ALDH9A1: variants seen among roughly 807,000 people sequenced by gnomAD.
ALDH9A1 encodes the protein 4-trimethylaminobutyraldehyde dehydrogenase.
In ALDH9A1, 42 loss-of-function variants were observed where a neutral mutation model predicts 56.6. That is an observed-to-expected ratio of 0.74 (90% CI 0.58 to 0.96). The LOEUF is 0.96. Among genes scored for constraint, ALDH9A1 ranks in the 40% least tolerant of loss-of-function variants. The pLI is 0.00. For missense variants in ALDH9A1, 661 were observed against 651.5 expected, an observed-to-expected ratio of 1.01 and a Z score of -0.16; for synonymous variants, 242 against 236.0, an observed-to-expected ratio of 1.03 and a Z score of -0.23.
chr1:165,665,108 C>T lies in ALDH9A1; in HGVS notation c.1372G>A (p.Val458Met), dbSNP rs1308842468. ...FTRDIQRAHR[V>M]VAELQAGTCF... ...GTCCCAGCCTGAAGCTCAGCTACCA[C>T]TCTATGAGCCCGTTGGATGTCCCTA... is the stretch of plus-strand genomic sequence containing the variant. The change falls in exon 10 of 11, where the codon GTG becomes ATG. Residue 458 changes from valine (V) to methionine (M), a missense_variant. Transcript: ENST00000354775. 6.2e-7 allele frequency: 1 copy of T among 1,613,802 alleles called. No individual in the cohort carries two copies. The highest frequency in any genetic ancestry group is 1.7e-5 in the Admixed American group (1 of 59,978).
chr1:165,698,546 C>G lies in ALDH9A1; in HGVS notation c.13G>C (p.Ala5Pro). The G allele has an allele frequency of 6.2e-7, 1 of 1,605,612 alleles. No individual in the cohort carries two copies. Among genetic ancestry groups the G allele is most frequent in the Non-Finnish European group, 8.5e-7 (1 of 1,177,540 alleles). Residue 5 changes from alanine (A) to proline (P), a missense_variant, in exon 1 of 11, where the codon GCA becomes CCA. Physicochemically the swap from Ala to Pro is conservative, Grantham distance 27. Coordinates refer to ENST00000354775, the MANE Select transcript of ALDH9A1 (RefSeq NM_000696.4). MFLR[A>P]GLAALSPLLR... is the part of the protein sequence containing the mutation. ...AGCGGGGAGAGCGCGGCCAGGCCTG[C>G]TCGGAGAAACATGAGTGGCGGACGC... is the stretch of plus-strand genomic sequence containing the variant.
In ALDH9A1 at chr1:165,695,289, C is replaced by A. The variant is rs145012858; in HGVS notation, c.290G>T (p.Arg97Leu). 6.2e-7 allele frequency: 1 copy of A among 1,611,750 alleles called. No homozygotes were observed. Among genetic ancestry groups the A allele is most frequent in the Non-Finnish European group, 8.5e-7 (1 of 1,179,156 alleles). Residue 97 changes from arginine to leucine, a missense_variant, in exon 2 of 11, where the codon CGT becomes CTT. Arg to Leu is a moderately radical substitution (Grantham distance 102, BLOSUM62 -2). Coordinates refer to ENST00000354775, the MANE Select transcript of ALDH9A1 (RefSeq NM_000696.4). ...KIWSQKSGMERCRILLEAARI... is the reference protein window; with the variant it reads ...KIWSQKSGMELCRILLEAARI... ...GGCAGCCTCCAAAAGGATTCGGCAA[C>A]GCTCCATGCCAGATTTTTGACTCCA... is the stretch of plus-strand genomic sequence containing the variant.
In ALDH9A1 at chr1:165,675,230, G is replaced by A. The variant is rs755294157; in HGVS notation, c.930+4212C>T. Among the ~76,000 whole-genome samples the A allele has an allele frequency of 1.0e-4, 15 of 149,146 alleles. No homozygotes were observed. The East Asian group carries it at 1.3e-3, about 13-fold the overall frequency. ...TAATAATAAAATAAATTCACATTAC[G>A]TCACAATTATTTTTAGTGCTCTCTC... On this transcript the variant is annotated intron_variant, in intron 6 of 10. Transcript: ENST00000354775.
At chr1:165,663,919 T>A (rs1295903153) in intron 10 of ALDH9A1, among the ~76,000 whole-genome samples, 1 of 152,220 alleles carries the variant, frequency 6.6e-6, no homozygotes, top group Non-Finnish European at 1.5e-5. Flanking sequence ...GCCATCTTTC[T>A]CGCTCTCTCA....
At chr1:165,672,079 A>C (rs1181982526) in intron 6 of ALDH9A1, among the ~76,000 whole-genome samples, 3 of 152,240 alleles carry the variant, frequency 2.0e-5, no homozygotes, top group Non-Finnish European at 2.9e-5. Flanking sequence ...TTAAACACTG[A>C]ATTATCATAT....
At chr1:165,670,049 C>A (rs1308222832) in intron 6 of ALDH9A1, among the ~76,000 whole-genome samples, 2 of 152,078 alleles carry the variant, frequency 1.3e-5, no homozygotes, top group East Asian at 1.9e-4. Flanking sequence ...GGTGCTAGAA[C>A]AAATCATCAG....
intron 2 of ALDH9A1, among the ~76,000 whole-genome samples, chr1:165,687,334 C>G (rs994451240): frequency 6.7e-6 from 1 of 150,372 alleles, no homozygotes; most frequent in African/African-American, 2.4e-5. Flanking sequence ...AATTTTTTTT[C>G]CAAATGAAAC....
chr1:165,682,064 A>T lies in ALDH9A1; in HGVS notation c.592+43T>A, dbSNP rs753097560. The T allele has an allele frequency of 9.3e-6, 15 of 1,609,166 alleles. No individual in the cohort carries two copies. In the Admixed American group the frequency reaches 1.2e-4, roughly 13 times the overall value. ...AGAATGGGGAGAGAACGAACGAGAG[A>T]ATGAACGAATGGCTCTCAAATGGAG... is the stretch of plus-strand genomic sequence containing the variant. On this transcript the variant is annotated intron_variant, in intron 4 of 10. Coordinates refer to ENST00000354775, the MANE Select transcript of ALDH9A1 (RefSeq NM_000696.4).
intron 9 of ALDH9A1, among the ~76,000 whole-genome samples, chr1:165,665,953 C>A (rs908824702): frequency 6.6e-6 from 1 of 151,980 alleles, no homozygotes; most frequent in Non-Finnish European, 1.5e-5. Context: ...AAGGCCTGTA[C>A]ACATATGTTC....
chr1:165,688,358 C>G (rs4657463), intron 2 of ALDH9A1, among the ~76,000 whole-genome samples: 49,910 of 152,040 alleles, frequency 0.33, 8,456 homozygotes, highest in South Asian at 0.55. Context: ...GAAGAAATTC[C>G]TTCTAGCAGA....
intron 2 of ALDH9A1, among the ~76,000 whole-genome samples, chr1:165,692,916 C>G (rs1256052066): frequency 2.0e-5 from 3 of 152,146 alleles, no homozygotes; most frequent in Middle Eastern, 3.4e-3. Context: ...TACCACACAT[C>G]TACAACCATC....
Position 165,698,497 on chromosome 1 carries a change from G to A in ALDH9A1, c.62C>T (p.Pro21Leu). The change falls in exon 1 of 11, where the codon CCT becomes CTT. Residue 21 changes from proline (P) to leucine (L), a missense_variant. Transcript: ENST00000354775. Reference protein sequence around the residue: ...SPLLRSLRPSPVAAMSTGTFV... With the variant: ...SPLLRSLRPSLVAAMSTGTFV... ...GGTGCCAGTGCTCATGGCGGCGACAGGAGAGGGCCGAAGACTGCGAAGAAG... is the reference window on the plus strand; with the variant it reads ...GGTGCCAGTGCTCATGGCGGCGACAAGAGAGGGCCGAAGACTGCGAAGAAG... 6.2e-7 allele frequency: 1 copy of A among 1,609,234 alleles called. No individual in the cohort carries two copies. Among genetic ancestry groups the A allele is most frequent in the Non-Finnish European group, 8.5e-7 (1 of 1,178,158 alleles).
chr1:165,691,728 T>G (rs2101756680), intron 2 of ALDH9A1, among the ~76,000 whole-genome samples: 1 of 152,336 alleles, frequency 6.6e-6, no homozygotes. Flanking sequence ...CTAACTCATT[T>G]TATGAGGCCA....
At chr1:165,671,315 C>T in intron 6 of ALDH9A1, 1 of 365,486 alleles carries the variant, frequency 2.7e-6, no homozygotes, top group South Asian at 2.1e-5. Context: ...TCTATCGCTG[C>T]AGCATCCCCA....
chr1:165,685,566 A>G (rs1333874452), intron 2 of ALDH9A1, among the ~76,000 whole-genome samples: 1 of 152,206 alleles, frequency 6.6e-6, no homozygotes, highest in African/African-American at 2.4e-5. Context: ...GGCAAGAAAA[A>G]CAAAAGAACA....
chr1:165,690,477 C>G (rs7541817), intron 2 of ALDH9A1, among the ~76,000 whole-genome samples: 2 of 151,936 alleles, frequency 1.3e-5, no homozygotes, highest in South Asian at 4.1e-4. Context: ...GGAGCAGCTC[C>G]GATCTGCATC....
At chr1:165,682,365 G>T in intron 3 of ALDH9A1, 124 bp from the exon 4 acceptor site, 1 of 1,029,036 alleles carries the variant, frequency 9.7e-7, no homozygotes, top group Non-Finnish European at 1.4e-6. Context: ...AATACACCAG[G>T]CTCACCCTGT....
In ALDH9A1 at chr1:165,665,174, G is replaced by A. The variant is rs768837439; in HGVS notation, c.1350-44C>T. ...TGTGTGCATTATTGAGAGTTTCTTA[G>A]GCTACTACTTTAACAGGAAAAGTTA... On this transcript the variant is annotated intron_variant, in intron 9 of 10. Coordinates refer to ENST00000354775, the MANE Select transcript of ALDH9A1 (RefSeq NM_000696.4). The A allele has an allele frequency of 4.6e-6, 7 of 1,510,862 alleles. No homozygotes were observed. In the Admixed American group the frequency reaches 8.6e-5, roughly 19 times the overall value. The allele number at this position is 1,510,862 out of a possible 1,614,324, so 93.6% of individuals were successfully genotyped here.
At chr1:165,686,556 T>C (rs1322080357) in intron 2 of ALDH9A1, among the ~76,000 whole-genome samples, 1 of 151,002 alleles carries the variant, frequency 6.6e-6, no homozygotes, top group Non-Finnish European at 1.5e-5. Context: ...GGGCCAGGTA[T>C]AGTTCATGTT....
Sources: gnomAD v4.1 joint callset for allele counts (sites outside exome capture counted in the v4.1 genomes callset) on GRCh38, gnomAD v4.1.1 for gene constraint, MANE v1.5 for transcripts, NCBI Gene and HGNC (gene_info 2026-07-23, HGNC 2026-07-21) for gene names.